The following TRIM46 variants were observed in gnomAD, a reference collection of about 807,000 sequenced individuals.
TRIM46 encodes tripartite motif containing 46, also known as tripartite motif-containing protein 46.
TRIM46 carries 17 observed loss-of-function variants against 69.7 expected under a neutral mutation model. The ratio of observed to expected loss-of-function variants is 0.24; its 90% CI spans 0.17 to 0.37. TRIM46 has a LOEUF of 0.37. Among genes scored for constraint, TRIM46 ranks in the 10% least tolerant of loss-of-function variants. The pLI is 1.00. For missense variants in TRIM46, 675 were observed against 1,025.1 expected, an observed-to-expected ratio of 0.66 and a Z score of 4.66; for synonymous variants, 391 against 429.0, an observed-to-expected ratio of 0.91 and a Z score of 1.09.
intron 1 of TRIM46, chr1:155,174,907 G>C: frequency 7.1e-7 from 1 of 1,409,242 alleles, no homozygotes; most frequent in South Asian, 1.6e-5. Flanking sequence ...GCTGCGGCAG[G>C]AGGACGTATG....
intron 3 of TRIM46, 114 bp from the exon 4 acceptor site, chr1:155,176,818 G>T (rs1392269332): frequency 7.5e-7 from 1 of 1,329,180 alleles, no homozygotes; most frequent in African/African-American, 1.4e-5. Context: ...ACCACCAGCG[G>T]ATGTCTCCAC....
At chr1:155,174,464 C>G in intron 1 of TRIM46, 1 of 1,395,750 alleles carries the variant, frequency 7.2e-7, no homozygotes, top group South Asian at 1.4e-5. Context: ...CCCCACCCCA[C>G]GCACCCCCAC....
At chr1:155,174,614 C>T (rs1305467515) in intron 1 of TRIM46, 4 of 1,529,086 alleles carry the variant, frequency 2.6e-6, no homozygotes, top group Middle Eastern at 1.7e-4. Flanking sequence ...CGCCCCTGAC[C>T]GGGATGGCTG....
intron 7 of TRIM46, 162 bp downstream of exon 7, chr1:155,178,775 G>A (rs1044142775): frequency 2.8e-6 from 3 of 1,054,308 alleles, no homozygotes; most frequent in African/African-American, 3.8e-5. Flanking sequence ...GTCCTACCGC[G>A]CTCAGCGCTG....
rs766090923 is a variant in TRIM46 at position 155,183,787 on chromosome 1, G to A, written c.1887-10G>A. The stretch of plus-strand genomic sequence containing the variant: ...CTCAACAATCTCGTCCCCAACACCC[G>A]CTTCTGCAGGTACGACCCGGACAGC... On this transcript the variant is annotated splice_polypyrimidine_tract_variant and intron_variant, in intron 9 of 9. Transcript: ENST00000334634. 4.7e-5 allele frequency: 75 copies of A among 1,599,196 alleles called. No individual in the cohort carries two copies. Among genetic ancestry groups the A allele is most frequent in the Non-Finnish European group, 6.0e-5 (71 of 1,179,684 alleles).
intron 3 of TRIM46, among the ~76,000 whole-genome samples, chr1:155,176,505 A>T (rs1012342935): frequency 1.3e-5 from 2 of 152,206 alleles, no homozygotes; most frequent in African/African-American, 4.8e-5. Flanking sequence ...ATGTTTGTTC[A>T]CTAAAAAGTG....
chr1:155,181,802 T>C lies in TRIM46; in HGVS notation c.1589-50T>C. ...GCAGTCTCACAGCCCCCAGTGCCAG[T>C]GTTTGTCCCTGAAGTTCTTGCTCCA... On this transcript the variant is annotated intron_variant, in intron 8 of 9. Coordinates refer to ENST00000334634, the MANE Select transcript of TRIM46 (RefSeq NM_025058.5). The surrounding 1 kb of genome is among the most constrained non-coding windows in gnomAD (Gnocchi z 4.3). 6.4e-7 allele frequency: 1 copy of C among 1,565,364 alleles called. No homozygotes were observed. The highest frequency in any genetic ancestry group is 8.7e-7 in the Non-Finnish European group (1 of 1,150,462).
At chr1:155,182,638 C>T (rs902673602) in intron 9 of TRIM46, 3 of 173,850 alleles carry the variant, frequency 1.7e-5, no homozygotes, top group Non-Finnish European at 3.7e-5. Context: ...GTCGAGAGTT[C>T]GAGACCAGCT....
intron 3 of TRIM46, 99 bp downstream of exon 3, chr1:155,176,330 G>A: frequency 3.7e-6 from 4 of 1,095,836 alleles, no homozygotes; most frequent in Non-Finnish European, 5.1e-6. Context: ...AGTGGGAAGG[G>A]TTTTCCAATG....
At position 155,181,077 on chromosome 1, in the gene TRIM46, G is replaced by T. The variant is rs1024236595; in HGVS notation, c.1589-775G>T. ...GTGAAACCCCGTCTCTACTAAAAAT[G>T]AAAATGAAAATAATTAGCTGGGTGT... On this transcript the variant is annotated intron_variant, in intron 8 of 9. Transcript: ENST00000334634. The surrounding 1 kb of genome is among the most constrained non-coding windows in gnomAD (Gnocchi z 4.3). Among the ~76,000 whole-genome samples, 1 of 150,844 alleles carries T rather than the reference G, an allele frequency of 6.6e-6. No homozygotes were observed. Among genetic ancestry groups the T allele is most frequent in the Non-Finnish European group, 1.5e-5 (1 of 67,770 alleles).
At chr1:155,178,983 C>T in intron 7 of TRIM46, 2 of 529,478 alleles carry the variant, frequency 3.8e-6, no homozygotes, top group Non-Finnish European at 3.2e-6. Flanking sequence ...GGTCCTCCCA[C>T]TGGACCAATG....
Position 155,178,594 on chromosome 1 carries a change from A to G in TRIM46, c.1266A>G (p.Thr422=). The G allele has an allele frequency of 1.2e-6, 2 of 1,613,812 alleles. No homozygotes were observed. The highest frequency in any genetic ancestry group is 8.5e-7 in the Non-Finnish European group (1 of 1,179,968). ...TGGGACGTGAGATGAAGCTGCTGACAGAGCTTAACTTCCTGCGAGGTAAGG... is the reference window on the plus strand; with the variant it reads ...TGGGACGTGAGATGAAGCTGCTGACGGAGCTTAACTTCCTGCGAGGTAAGG... ...LDVGREMKLL[T]ELNFLRVPEA... is the part of the protein sequence containing the mutation. Residue 422 remains threonine (T), a synonymous_variant, in exon 7 of 10, where the codon ACA becomes ACG. Transcript: ENST00000334634.
Position 155,178,705 on chromosome 1 carries a change from C to T in TRIM46, c.1285+92C>T, listed in dbSNP as rs1367265341. 9 of 1,573,326 alleles carry T rather than the reference C, an allele frequency of 5.7e-6. No individual in the cohort carries two copies. In the African/African-American group the frequency reaches 1.1e-4, roughly 19 times the overall value. On this transcript the variant is annotated intron_variant, in intron 7 of 9. Transcript: ENST00000334634. Reference sequence around the variant, plus strand: ...GGGGGGCAGTGCCTACCGGGGACCTCCCCGGCCTCCTGCCCGGCCTGGCCA... The same window carrying T: ...GGGGGGCAGTGCCTACCGGGGACCTTCCCGGCCTCCTGCCCGGCCTGGCCA...
intron 1 of TRIM46, chr1:155,174,510 A>AC (rs1465190549): frequency 7.0e-7 from 1 of 1,433,860 alleles, no homozygotes; most frequent in Admixed American, 2.6e-5. Flanking sequence ...TGTCATGGCA[A>AC]CCCGTGCCTG....
intron 7 of TRIM46, chr1:155,178,858 GC>G: frequency 6.3e-6 from 9 of 1,433,978 alleles, no homozygotes; most frequent in Non-Finnish European, 8.3e-6. Flanking sequence ...CAAGTCAGCG[GC>G]CCTGCCCCGG....
intron 5 of TRIM46, 115 bp from the exon 6 acceptor site, chr1:155,177,887 C>T: frequency 6.9e-7 from 1 of 1,442,682 alleles, no homozygotes; most frequent in Non-Finnish European, 9.3e-7. Flanking sequence ...GTAGGATTTC[C>T]CCAGATCCCT....
chr1:155,175,574 T>C lies in TRIM46; in HGVS notation c.252T>C (p.Pro84=). Residue 84 remains proline (P), a synonymous_variant, in exon 2 of 10, where the codon CCT becomes CCC. Transcript: ENST00000334634. The surrounding 1 kb of genome is among the most constrained non-coding windows in gnomAD (Gnocchi z 4.2). ...SSEPTSPAST[P]STRSPRLSRR... Reference sequence around the variant, plus strand: ...AGCCCACCTCTCCTGCCTCCACCCCTTCCACCCGCAGCCCCCGCCTCTCCC... The same window carrying C: ...AGCCCACCTCTCCTGCCTCCACCCCCTCCACCCGCAGCCCCCGCCTCTCCC... The C allele has an allele frequency of 6.2e-7, 1 of 1,613,370 alleles. No homozygotes were observed. Among genetic ancestry groups the C allele is most frequent in the African/African-American group, 1.3e-5 (1 of 74,998 alleles).
intron 8 of TRIM46, chr1:155,180,562 T>C: frequency 3.4e-6 from 1 of 292,920 alleles, no homozygotes; most frequent in Non-Finnish European, 6.3e-6. Flanking sequence ...GCCACTGGAC[T>C]CCAGCCTGGA....
Position 155,178,510 on chromosome 1 carries a change from A to G in TRIM46, c.1182A>G (p.Glu394=), listed in dbSNP as rs1557812793. 1.2e-6 allele frequency: 2 copies of G among 1,614,042 alleles called. No individual in the cohort carries two copies. The highest frequency in any genetic ancestry group is 8.5e-7 in the Non-Finnish European group (1 of 1,180,002). The stretch of plus-strand genomic sequence containing the variant: ...ATCCCAGGATTGCCCGAGCCACTGA[A>G]GCCCTCCAGACATTCCGGCCAGCTG... ...QLHNRIARAT[E]ALQTFRPAAS... is the part of the protein sequence containing the mutation. The change falls in exon 7 of 10, where the codon GAA becomes GAG. Residue 394 remains glutamate, a synonymous_variant. Coordinates refer to ENST00000334634, the MANE Select transcript of TRIM46 (RefSeq NM_025058.5).
Sources: gnomAD v4.1 joint callset for allele counts (sites outside exome capture counted in the v4.1 genomes callset) on GRCh38, gnomAD v4.1.1 for gene constraint, Gnocchi (gnomAD v3.1) non-coding constraint, MANE v1.5 for transcripts, NCBI Gene and HGNC (gene_info 2026-07-23, HGNC 2026-07-21) for gene names.